The following TDRKH variants were observed in gnomAD, a reference collection of about 807,000 sequenced individuals.
TDRKH encodes tudor and KH domain-containing protein.
TDRKH carries 28 observed loss-of-function variants against 61.3 expected under a neutral mutation model. That is an observed-to-expected ratio of 0.46 (90% confidence interval 0.34 to 0.63). The LOEUF (loss-of-function observed/expected upper bound fraction) is 0.63. TDRKH is among the 20% of genes least tolerant of loss of function. The pLI is 0.01. For missense variants in TDRKH, 540 were observed against 683.4 expected, an observed-to-expected ratio of 0.79 and a Z score of 2.34; for synonymous variants, 219 against 244.4, an observed-to-expected ratio of 0.90 and a Z score of 0.97.
intron 4 of TDRKH, 182 bp downstream of exon 4, chr1:151,779,769 C>A: frequency 3.5e-6 from 2 of 566,048 alleles, no homozygotes; most frequent in Non-Finnish European, 6.2e-6. Flanking sequence ...CATACAACTT[C>A]TTGAGGAAAC....
chr1:151,766,609 A>AC, downstream of TDRKH: 1 of 1,248,540 alleles, frequency 8.0e-7, no homozygotes, highest in Non-Finnish European at 1.1e-6. Flanking sequence ...ATAAGGGCTG[A>AC]CCCCTTATCC....
At chr1:151,777,892 T>A (rs909981183) in intron 6 of TDRKH, among the ~76,000 whole-genome samples, 26 of 148,692 alleles carry the variant, frequency 1.7e-4, no homozygotes, top group African/African-American at 5.9e-4. Flanking sequence ...CCAGTATTTC[T>A]TTTTTTTTTA....
chr1:151,787,493 A>C (rs1157888621), intron 1 of TDRKH, among the ~76,000 whole-genome samples: 1 of 152,134 alleles, frequency 6.6e-6, no homozygotes, highest in African/African-American at 2.4e-5. Context: ...CTGGGATTAC[A>C]GGCGTGAGCC....
chr1:151,783,214 G>T, intron 1 of TDRKH, 165 bp from the exon 2 acceptor site: 1 of 473,992 alleles, frequency 2.1e-6, no homozygotes, highest in South Asian at 3.8e-5. Flanking sequence ...AAGGGCTCAG[G>T]GTATTTTTTA....
chr1:151,779,255 A>G lies in TDRKH; in HGVS notation c.422-13T>C, dbSNP rs1274081446. 6.2e-7 allele frequency: 1 copy of G among 1,612,726 alleles called. No individual in the cohort carries two copies. The highest frequency in any genetic ancestry group is 1.1e-5 in the South Asian group (1 of 90,746). On this transcript the variant is annotated splice_polypyrimidine_tract_variant and intron_variant, in intron 4 of 12. Transcript: ENST00000368824. ...TCGCCGCCTCTCCCTACATTAAACA[A>G]TATATAAAAACCTGCCCTTCCCTCC... is the stretch of plus-strand genomic sequence containing the variant.
rs1558142794 is a variant in TDRKH, at chr1:151,778,764, T to A, written c.804A>T (p.Glu268Asp). The A allele has an allele frequency of 6.2e-7, 1 of 1,614,242 alleles. No homozygotes were observed. The highest frequency in any genetic ancestry group is 1.1e-5 in the South Asian group (1 of 91,090). The change falls in exon 6 of 13, where the codon GAA (glutamate) becomes GAT (aspartate). Residue 268 changes from glutamate to aspartate, a missense_variant. Glu to Asp is a conservative substitution (Grantham distance 45). Around this residue, in one of 3 missense-constraint regions of TDRKH, gnomAD observed 379 missense variants for 443.8 expected, o/e 0.85. Coordinates refer to ENST00000368824, the MANE Select transcript of TDRKH (RefSeq NM_001083965.2). ...GGDMAVVVSK[E>D]GSWEKPSDDS... ...CATCACTAGGTTTCTCCCAGGAACCTTCCTTTGACACTACCACAGCCATGT... is the reference window on the plus strand; with the variant it reads ...CATCACTAGGTTTCTCCCAGGAACCATCCTTTGACACTACCACAGCCATGT...
At chr1:151,778,401 G>A (rs1248497585) in intron 6 of TDRKH, among the ~76,000 whole-genome samples, 1 of 152,198 alleles carries the variant, frequency 6.6e-6, no homozygotes, top group East Asian at 1.9e-4. Context: ...CTTTGCTTCA[G>A]AGTGGAAGAG....
chr1:151,767,278 C>A, downstream of TDRKH: 1 of 1,613,882 alleles, frequency 6.2e-7, no homozygotes, highest in South Asian at 1.1e-5. Context: ...GTAACCACGA[C>A]CAGCTTAAAG....
chr1:151,767,230 C>T, downstream of TDRKH: 2 of 1,613,962 alleles, frequency 1.2e-6, no homozygotes, highest in Non-Finnish European at 1.7e-6. Context: ...CTCCTGAGTC[C>T]CTAGTAGGCC....
In TDRKH at chr1:151,784,220, G is replaced by T. The variant is rs112593967; in HGVS notation, c.-27-1171C>A. 2.4e-4 allele frequency among the ~76,000 whole-genome samples: 37 copies of T among 152,314 alleles called. 2 individuals carry two copies. The highest frequency in any genetic ancestry group is 8.7e-4 in the African/African-American group (36 of 41,574). ...AACTGTCTCTGCTCCTAGCACTGAA[G>T]TCTTTCATAAAAGCACTGCTCCACA... On this transcript the variant is annotated intron_variant, in intron 1 of 12. Transcript: ENST00000368824.
Position 151,780,094 on chromosome 1 carries a change from A to G in TDRKH, c.278T>C (p.Val93Ala). 1 of 1,614,152 alleles carries G rather than the reference A, an allele frequency of 6.2e-7. No homozygotes were observed. The highest frequency in any genetic ancestry group is 8.5e-7 in the Non-Finnish European group (1 of 1,179,990). The change falls in exon 4 of 13, where the codon GTA becomes GCA. Residue 93 changes from valine (V) to alanine (A), a missense_variant. Transcript: ENST00000368824. ...GARIDVDTED[V>A]GDERVLLISG... ...GATAAGCAGCACTCGCTCATCGCCT[A>G]CATCCTCTGTGTCCACATCAATCCG...
chr1:151,780,182 T>C (rs1229383293), intron 3 of TDRKH, 42 bp from the exon 4 acceptor site: 1 of 1,589,174 alleles, frequency 6.3e-7, no homozygotes, highest in Non-Finnish European at 8.6e-7. Flanking sequence ...CTGGAAGAGC[T>C]CCCATTTGAG....
chr1:151,772,710 G>T (rs1571977269), downstream of TDRKH, among the ~76,000 whole-genome samples: 2 of 151,148 alleles, frequency 1.3e-5, no homozygotes, highest in African/African-American at 2.4e-5. Context: ...TTAAAATTTT[G>T]CAAAAAGTTT....
intron 1 of TDRKH, among the ~76,000 whole-genome samples, chr1:151,785,859 G>T (rs1445606230): frequency 3.9e-5 from 6 of 152,210 alleles, no homozygotes; most frequent in African/African-American, 1.4e-4. Context: ...AAAAACTAAA[G>T]ATAGGTGATA....
At chr1:151,776,059 A>G in intron 8 of TDRKH, 37 bp downstream of exon 8, 2 of 1,594,976 alleles carry the variant, frequency 1.3e-6, no homozygotes, top group East Asian at 2.2e-5. Context: ...GCCAGAACTG[A>G]GTCAGCAGTT....
At chr1:151,772,238 C>T (rs1440378576), downstream of TDRKH, among the ~76,000 whole-genome samples, 1 of 150,282 alleles carries the variant, frequency 6.7e-6, no homozygotes, top group Non-Finnish European at 1.5e-5. Context: ...GTAGCTAGGA[C>T]CACAGGCACA....
downstream of TDRKH, chr1:151,768,265 GA>G: frequency 6.3e-7 from 1 of 1,585,542 alleles, no homozygotes; most frequent in Non-Finnish European, 8.6e-7. Flanking sequence ...AATGGGGAGG[GA>G]ATAGGTAGGG....
In TDRKH at chr1:151,774,387, T is replaced by C. The variant is rs371359950; in HGVS notation, c.*65A>G. 8 of 1,572,190 alleles carry C rather than the reference T, an allele frequency of 5.1e-6. No individual in the cohort carries two copies. Among genetic ancestry groups the C allele is most frequent in the African/African-American group, 4.1e-5 (3 of 73,450 alleles). ...GTCGCCCTCATTACTTTCCTGTTGC[T>C]ACAGATAGATGATAGCTGCACTCAC... On this transcript the variant is annotated 3_prime_UTR_variant, in exon 13 of 13. Coordinates refer to ENST00000368824, the MANE Select transcript of TDRKH (RefSeq NM_001083965.2).
intron 4 of TDRKH, chr1:151,779,695 A>T: frequency 2.4e-6 from 1 of 417,092 alleles, no homozygotes; most frequent in Non-Finnish European, 4.2e-6. Flanking sequence ...TTTAAAAATC[A>T]ATTATAAGGT....
Sources: gnomAD v4.1 joint callset for allele counts (sites outside exome capture counted in the v4.1 genomes callset) on GRCh38, gnomAD v4.1.1 for gene constraint, gnomAD v4.1.1 regional missense constraint, MANE v1.5 for transcripts, NCBI Gene and HGNC (gene_info 2026-07-23, HGNC 2026-07-21) for gene names.